Variants in CAMK1D observed in about 807,000 individuals in gnomAD.
The protein encoded by CAMK1D is calcium/calmodulin dependent protein kinase ID, also known as calcium/calmodulin-dependent protein kinase type 1D.
In CAMK1D, 9 loss-of-function variants were observed where a neutral mutation model predicts 47.7. That is an observed-to-expected ratio of 0.19 (90% CI 0.11 to 0.33). The LOEUF is 0.33. Ranked by LOEUF, CAMK1D falls within the 10% of genes least tolerant of loss-of-function variation. CAMK1D has a pLI of 1.00. For missense variants in CAMK1D, 291 were observed against 488.7 expected (o/e 0.60, Z 3.81); for synonymous variants, 184 against 184.9 (o/e 0.99, Z 0.04).
At chr10:12,717,807 T>C (rs918314566) in intron 3 of CAMK1D, among the ~76,000 whole-genome samples, 4 of 147,792 alleles carry the variant, frequency 2.7e-5, no homozygotes, top group African/African-American at 1.0e-4. Flanking sequence ...AGTGGGAGGA[T>C]TGCTTGAGCC....
chr10:12,816,485 A>C (rs1163704018), intron 8 of CAMK1D, among the ~76,000 whole-genome samples, 157 bp downstream of exon 8: 1 of 152,102 alleles, frequency 6.6e-6, no homozygotes, highest in East Asian at 1.9e-4. Flanking sequence ...TCCCCAAGCC[A>C]ACATTTGAAC....
chr10:12,812,873 C>T (rs1457557754), intron 6 of CAMK1D, among the ~76,000 whole-genome samples: 1 of 152,164 alleles, frequency 6.6e-6, no homozygotes, highest in South Asian at 2.1e-4. Context: ...CATAGAGCCA[C>T]GGTATCTTAA....
chr10:12,562,236 A>G (rs1343631307), intron 2 of CAMK1D, among the ~76,000 whole-genome samples: 1 of 152,130 alleles, frequency 6.6e-6, no homozygotes, highest in Non-Finnish European at 1.5e-5. Context: ...GGAGGTGAAG[A>G]GACCACCCCC....
At chr10:12,682,813 A>C (rs4520494) in intron 3 of CAMK1D, among the ~76,000 whole-genome samples, 1 of 151,890 alleles carries the variant, frequency 6.6e-6, no homozygotes, top group African/African-American at 2.4e-5. Context: ...TGCTTATGTT[A>C]TTTTCTGATA....
chr10:12,404,592 T>C (rs1839345466), intron 1 of CAMK1D, among the ~76,000 whole-genome samples: 1 of 152,204 alleles, frequency 6.6e-6, no homozygotes, highest in African/African-American at 2.4e-5. Context: ...GATTGAGTTA[T>C]TCTTGGTATG....
chr10:12,701,240 G>T (rs571928198), intron 3 of CAMK1D, among the ~76,000 whole-genome samples: 1 of 152,038 alleles, frequency 6.6e-6, no homozygotes, highest in Non-Finnish European at 1.5e-5. Context: ...AGTCTCCCGA[G>T]TAGCTGGGAT....
In CAMK1D at chr10:12,458,569, G is replaced by A. The variant is rs117926953; in HGVS notation, c.93-94656G>A. On this transcript the variant is annotated intron_variant, in intron 1 of 10. Coordinates refer to ENST00000619168, the MANE Select transcript of CAMK1D (RefSeq NM_153498.4). ...GTAGCTGGAACTAAAGGTGTGTGCT[G>A]TCATGCCCAACTAATTTTATTGTTA... Among the ~76,000 whole-genome samples the A allele has an allele frequency of 1.2e-3, 182 of 151,852 alleles. 2 individuals are homozygous for A. In the East Asian group the frequency reaches 0.023, roughly 19 times the overall value.
rs77590121 is a variant in CAMK1D, at chr10:12,428,789, G to A, written c.92+78879G>A. 4.8e-3 allele frequency among the ~76,000 whole-genome samples: 730 copies of A among 152,270 alleles called. 8 individuals carry two copies. The highest frequency in any genetic ancestry group is 0.017 in the African/African-American group (695 of 41,554). Reference sequence around the variant, plus strand: ...TGTTAGGAAGTGGGGCCTTTGGGAGGTGATTAGGTCATAAAGGGGGAGCCC... The same window carrying A: ...TGTTAGGAAGTGGGGCCTTTGGGAGATGATTAGGTCATAAAGGGGGAGCCC... On this transcript the variant is annotated intron_variant, in intron 1 of 10. Coordinates refer to ENST00000619168, the MANE Select transcript of CAMK1D (RefSeq NM_153498.4).
intron 5 of CAMK1D, among the ~76,000 whole-genome samples, chr10:12,774,476 A>G (rs1234513303): frequency 6.6e-6 from 1 of 152,106 alleles, no homozygotes; most frequent in African/African-American, 2.4e-5. Context: ...ACAGTCGGAG[A>G]AGTCCTGAGC....
chr10:12,484,485 C>T (rs1834154276), intron 1 of CAMK1D, among the ~76,000 whole-genome samples: 1 of 152,200 alleles, frequency 6.6e-6, no homozygotes, highest in South Asian at 2.1e-4. Flanking sequence ...AGATGGAGAG[C>T]TGTCATTATC....
At chr10:12,473,743 TC>T (rs2132080682) in intron 1 of CAMK1D, among the ~76,000 whole-genome samples, 2 of 152,222 alleles carry the variant, frequency 1.3e-5, no homozygotes, top group South Asian at 4.2e-4. Context: ...TTGGACTTGA[TC>T]CTGCGAGCAT....
rs540023640 is a variant in CAMK1D, at chr10:12,644,091, A to C, written c.225-22645A>C. Among the ~76,000 whole-genome samples, 3 of 152,256 alleles carry C rather than the reference A, an allele frequency of 2.0e-5. No homozygotes were observed. In the South Asian group the frequency reaches 6.2e-4, roughly 32 times the overall value. On this transcript the variant is annotated intron_variant, in intron 2 of 10. Coordinates refer to ENST00000619168, the MANE Select transcript of CAMK1D (RefSeq NM_153498.4). ...AATGTAATGTGCTGAAATCATCCCG[A>C]AACCATCTTCCCCTGAGCCCTGTCC...
chr10:12,386,404 T>G (rs1838495682), intron 1 of CAMK1D, among the ~76,000 whole-genome samples: 1 of 150,912 alleles, frequency 6.6e-6, no homozygotes, highest in African/African-American at 2.4e-5. Flanking sequence ...ACCACTCCAC[T>G]GCACTCCAGC....
At chr10:12,619,934 T>C (rs973245799) in intron 2 of CAMK1D, among the ~76,000 whole-genome samples, 9 of 152,168 alleles carry the variant, frequency 5.9e-5, no homozygotes, top group Non-Finnish European at 1.2e-4. Context: ...TTATATAAAT[T>C]GAATCTTACA....
intron 3 of CAMK1D, among the ~76,000 whole-genome samples, chr10:12,714,347 C>T (rs2130762973): frequency 6.6e-6 from 1 of 152,106 alleles, no homozygotes; most frequent in East Asian, 1.9e-4. Flanking sequence ...TTACATGCTC[C>T]CAGCCCAGAG....
chr10:12,408,693 C>T (rs899455497), intron 1 of CAMK1D, among the ~76,000 whole-genome samples: 2 of 152,144 alleles, frequency 1.3e-5, no homozygotes, highest in African/African-American at 2.4e-5. Context: ...CCAGGATTAG[C>T]AACGTGCAAG....
chr10:12,725,985 G>A (rs1426282195), intron 3 of CAMK1D, among the ~76,000 whole-genome samples: 50 of 151,994 alleles, frequency 3.3e-4, no homozygotes, highest in Non-Finnish European at 5.9e-4. Flanking sequence ...TCAAACTCCT[G>A]ATCTCAGGTG....
intron 2 of CAMK1D, among the ~76,000 whole-genome samples, chr10:12,565,705 A>T (rs1837101702): frequency 6.6e-6 from 1 of 152,196 alleles, no homozygotes; most frequent in African/African-American, 2.4e-5. Context: ...TAAAGTGGAT[A>T]TTATGATCTG....
chr10:12,497,737 C>A (rs2132133418), intron 1 of CAMK1D, among the ~76,000 whole-genome samples: 1 of 151,442 alleles, frequency 6.6e-6, no homozygotes, highest in South Asian at 2.1e-4. Flanking sequence ...CAAGAAAGTG[C>A]AAATTAGGTG....
Sources: gnomAD v4.1 joint callset for allele counts (sites outside exome capture counted in the v4.1 genomes callset) on GRCh38, gnomAD v4.1.1 for gene constraint, MANE v1.5 for transcripts, NCBI Gene and HGNC (gene_info 2026-07-23, HGNC 2026-07-21) for gene names.